TLE4: variants seen among roughly 807,000 people sequenced by gnomAD.
TLE4 encodes the protein transducin-like enhancer protein 4.
In TLE4, 8 loss-of-function variants were observed where a neutral mutation model predicts 92.8. The observed-to-expected ratio is 0.09, with a 90% CI of 0.05 to 0.16. The LOEUF (loss-of-function observed/expected upper bound fraction) is 0.16. TLE4 is among the 10% of genes least tolerant of loss of function. TLE4 has a pLI of 1.00. For synonymous variants in TLE4, 371 were observed against 374.1 expected, an observed-to-expected ratio of 0.99 and a Z score of 0.10; for missense variants, 675 against 997.6, an observed-to-expected ratio of 0.68 and a Z score of 4.36.
At chr9:79,649,785 G>C (rs756456801) in intron 6 of TLE4, 1 of 1,356,414 alleles carries the variant, frequency 7.4e-7, no homozygotes, top group African/African-American at 1.5e-5. Flanking sequence ...TGGTCCAATG[G>C]AACGATGAGT....
chr9:79,666,676 A>G (rs1435565306), intron 8 of TLE4, among the ~76,000 whole-genome samples: 1 of 152,264 alleles, frequency 6.6e-6, no homozygotes, highest in East Asian at 1.9e-4. Context: ...TAGAAATAAA[A>G]TCAGCACTTT....
intron 6 of TLE4, among the ~76,000 whole-genome samples, chr9:79,638,822 T>C (rs2056537527): frequency 6.6e-6 from 1 of 152,148 alleles, no homozygotes; most frequent in Non-Finnish European, 1.5e-5. Flanking sequence ...AGGTTGTTCT[T>C]GGGTTTCTTT....
chr9:79,612,551 A>G (rs1344069066), intron 4 of TLE4, 105 bp from the exon 5 acceptor site: 1 of 1,083,218 alleles, frequency 9.2e-7, no homozygotes, highest in Non-Finnish European at 1.4e-6. Context: ...GAAATATGCC[A>G]GCCAAATTAT....
At chr9:79,690,695 C>T (rs146532569) in intron 8 of TLE4, among the ~76,000 whole-genome samples, 3 of 150,266 alleles carry the variant, frequency 2.0e-5, no homozygotes, top group Non-Finnish European at 3.0e-5. Flanking sequence ...TCTCTGCTCA[C>T]TGCAGCCTCC....
chr9:79,659,768 C>T lies in TLE4; in HGVS notation c.609+5693C>T, dbSNP rs557536829. Among the ~76,000 whole-genome samples, 5 of 151,960 alleles carry T rather than the reference C, an allele frequency of 3.3e-5. No individual in the cohort carries two copies. The East Asian group carries it at 9.7e-4, about 29-fold the overall frequency. On this transcript the variant is annotated intron_variant, in intron 8 of 19. Coordinates refer to ENST00000376552, the MANE Select transcript of TLE4 (RefSeq NM_007005.6). Reference sequence around the variant, plus strand: ...AGGGCATGGGGAATCAGGGATACCACCTAATAAGGAAATAGAAGTACTTAA... The same window carrying T: ...AGGGCATGGGGAATCAGGGATACCATCTAATAAGGAAATAGAAGTACTTAA...
chr9:79,578,444 A>C (rs1350021196), intron 4 of TLE4, among the ~76,000 whole-genome samples: 1 of 152,180 alleles, frequency 6.6e-6, no homozygotes, highest in African/African-American at 2.4e-5. Flanking sequence ...TTATTTTTAG[A>C]GAAATTTTTC....
intron 6 of TLE4, among the ~76,000 whole-genome samples, chr9:79,651,713 G>T (rs549242890): frequency 1.3e-5 from 2 of 152,246 alleles, no homozygotes; most frequent in African/African-American, 4.8e-5. Context: ...CTCAAGTACC[G>T]CTGAGGACAC....
intron 8 of TLE4, among the ~76,000 whole-genome samples, chr9:79,659,421 C>T (rs988640008): frequency 1.3e-5 from 2 of 151,684 alleles, no homozygotes; most frequent in Non-Finnish European, 2.9e-5. Context: ...TTTAGATAAC[C>T]ATAATGCCTT....
chr9:79,709,525 G>A, intron 13 of TLE4, 98 bp from the exon 14 acceptor site: 1 of 970,646 alleles, frequency 1.0e-6, no homozygotes, highest in South Asian at 1.5e-5. Flanking sequence ...ATTTTTAAAG[G>A]ATCTATTCTC....
chr9:79,586,890 A>G (rs1339356630), intron 4 of TLE4, among the ~76,000 whole-genome samples: 6 of 152,336 alleles, frequency 3.9e-5, no homozygotes, highest in East Asian at 1.9e-4. Context: ...GGCATATAGC[A>G]TATAATAATC....
At chr9:79,589,556 T>G (rs368472219) in intron 4 of TLE4, among the ~76,000 whole-genome samples, 1 of 152,024 alleles carries the variant, frequency 6.6e-6, no homozygotes, top group Non-Finnish European at 1.5e-5. Context: ...GCAGAAGACA[T>G]TTTCAGTGGA....
Position 79,725,075 on chromosome 9 carries a change from C to T in TLE4, c.2253C>T (p.Ser751=), listed in dbSNP as rs372987820. Residue 751 remains serine, a synonymous_variant, in exon 20 of 20, where the codon TCC becomes TCT. Transcript: ENST00000376552. ...ESSSVLSCDI[S]VDDKYIVTGS... The stretch of plus-strand genomic sequence containing the variant: ...CATCGGTGCTTAGCTGTGACATCTC[C>T]GTGGACGACAAATACATTGTCACTG... 36 of 1,613,682 alleles carry T rather than the reference C, an allele frequency of 2.2e-5. No homozygotes were observed. The highest frequency in any genetic ancestry group is 3.3e-4 in the Middle Eastern group (2 of 6,084).
chr9:79,667,901 G>A (rs2061662133), intron 8 of TLE4, among the ~76,000 whole-genome samples: 1 of 152,232 alleles, frequency 6.6e-6, no homozygotes, highest in Admixed American at 6.5e-5. Context: ...CTTTTCATCT[G>A]CCTTTGTTCC....
intron 4 of TLE4, among the ~76,000 whole-genome samples, chr9:79,580,880 C>T (rs1216329561): frequency 1.3e-5 from 2 of 151,902 alleles, no homozygotes; most frequent in Admixed American, 6.6e-5. Flanking sequence ...TCTAGAGGGC[C>T]TGAATAGTGG....
intron 4 of TLE4, among the ~76,000 whole-genome samples, chr9:79,609,354 A>G (rs2047840850): frequency 6.6e-6 from 1 of 151,902 alleles, no homozygotes; most frequent in Admixed American, 6.6e-5. Context: ...TTGTCTTTAC[A>G]TTTTTCTGAG....
chr9:79,654,724 G>C (rs1010188237), intron 8 of TLE4, among the ~76,000 whole-genome samples: 1 of 152,146 alleles, frequency 6.6e-6, no homozygotes, highest in Non-Finnish European at 1.5e-5. Flanking sequence ...TATACCTCCA[G>C]AATGGGATGT....
intron 14 of TLE4, among the ~76,000 whole-genome samples, chr9:79,715,860 T>C (rs1483860379): frequency 6.6e-6 from 1 of 152,128 alleles, no homozygotes; most frequent in Non-Finnish European, 1.5e-5. Flanking sequence ...GAGCTTATCA[T>C]CACCCCTGTG....
chr9:79,633,688 GTTGTT>G (rs2054931193), intron 6 of TLE4, among the ~76,000 whole-genome samples: 1 of 152,150 alleles, frequency 6.6e-6, no homozygotes, highest in Non-Finnish European at 1.5e-5. Flanking sequence ...CATTTTATAG[GTTGTT>G]TTGTTTTGGT....
In TLE4 at chr9:79,596,111, G is replaced by T. The variant is rs539142627; in HGVS notation, c.253-16545G>T. On this transcript the variant is annotated intron_variant, in intron 4 of 19. Coordinates refer to ENST00000376552, the MANE Select transcript of TLE4 (RefSeq NM_007005.6). ...TCCGCCCGCCCTGGCCTCCCAAAGT[G>T]CTGGGATTACAGGCGTGAGGAACCG... 7.2e-5 allele frequency among the ~76,000 whole-genome samples: 11 copies of T among 152,232 alleles called. No individual in the cohort carries two copies. The East Asian group carries it at 1.9e-3, about 27-fold the overall frequency.
Sources: allele counts gnomAD v4.1 joint callset (sites outside exome capture counted in the v4.1 genomes callset), GRCh38; gene constraint gnomAD v4.1.1; transcripts MANE v1.5; gene names NCBI Gene and HGNC (gene_info 2026-07-23, HGNC 2026-07-21).